Variants in MYO1H observed in about 807,000 individuals in gnomAD.
MYO1H encodes the protein unconventional myosin-Ih.
Under a neutral mutation model 149.3 loss-of-function variants are expected in MYO1H, and 118 were observed. That is an observed-to-expected ratio of 0.79 (90% CI 0.68 to 0.92). The LOEUF is 0.92. Ranked by LOEUF, MYO1H falls within the 40% of genes least tolerant of loss-of-function variation. MYO1H has a pLI of 0.00. For missense variants in MYO1H, 1,212 were observed against 1,280.7 expected, an observed-to-expected ratio of 0.95 and a Z score of 0.82; for synonymous variants, 447 against 465.2, an observed-to-expected ratio of 0.96 and a Z score of 0.50.
chr12:109,400,541 G>C (rs1870119239), intron 5 of MYO1H, among the ~76,000 whole-genome samples: 1 of 152,052 alleles, frequency 6.6e-6, no homozygotes, highest in South Asian at 2.1e-4. Flanking sequence ...TGATTTGCAA[G>C]AATCTTTATA....
chr12:109,370,899 A>T lies in MYO1H; in HGVS notation c.13-17784A>T, dbSNP rs76558067. ...TCTAGAAGGGCTCAGCCTAAGATCA[A>T]GGAATCAAGTAATTAGAATCACTGT... On this transcript the variant is annotated intron_variant, in intron 1 of 31. Coordinates refer to ENST00000310903, the Ensembl canonical transcript of MYO1H. Among the ~76,000 whole-genome samples, 364 of 152,372 alleles carry T rather than the reference A, an allele frequency of 2.4e-3. 1 individual carries two copies. The highest frequency in any genetic ancestry group is 3.5e-3 in the Non-Finnish European group (237 of 68,034).
chr12:109,430,191 A>G (rs1397829505), intron 19 of MYO1H, among the ~76,000 whole-genome samples: 3 of 152,176 alleles, frequency 2.0e-5, no homozygotes, highest in Non-Finnish European at 4.4e-5. Context: ...AGCAGGCTCT[A>G]GGGCAAGCTG....
chr12:109,357,646 T>A (rs1375076216), intron 1 of MYO1H, among the ~76,000 whole-genome samples: 1 of 151,892 alleles, frequency 6.6e-6, no homozygotes, highest in Non-Finnish European at 1.5e-5. Context: ...ACTATTCTCT[T>A]GATTTTTTTT....
At position 109,428,112 on chromosome 12, in the gene MYO1H, A is replaced by G. The variant is rs1477480387; in HGVS notation, c.1949+526A>G. On this transcript the variant is annotated intron_variant, in intron 19 of 31. Coordinates refer to ENST00000310903, the Ensembl canonical transcript of MYO1H. ...AAAACAAAACAAAACAACAAAAAAA[A>G]AAACTCACAAAAATTCAGTTTACCA... 7.3e-5 allele frequency among the ~76,000 whole-genome samples: 11 copies of G among 150,324 alleles called. 1 individual carries two copies. The highest frequency in any genetic ancestry group is 1.5e-4 in the Non-Finnish European group (10 of 67,542).
the MYO1H span, among the ~76,000 whole-genome samples, chr12:109,339,136 G>C: frequency 2.6e-5 from 4 of 152,118 alleles, no homozygotes; most frequent in African/African-American, 9.7e-5. Flanking sequence ...AGGCCAAAGT[G>C]GGTGGATCAC....
chr12:109,422,282 C>T (rs1375740137), intron 16 of MYO1H, among the ~76,000 whole-genome samples: 1 of 152,126 alleles, frequency 6.6e-6, no homozygotes, highest in Non-Finnish European at 1.5e-5. Flanking sequence ...TTCTGCCTTC[C>T]CAAACTTTCT....
chr12:109,314,950 A>C, the MYO1H span, among the ~76,000 whole-genome samples: 1 of 152,066 alleles, frequency 6.6e-6, no homozygotes, highest in Non-Finnish European at 1.5e-5. Flanking sequence ...AAAAATACAA[A>C]AATTAGCCAG....
chr12:109,311,198 G>A, the MYO1H span, among the ~76,000 whole-genome samples: 3 of 152,132 alleles, frequency 2.0e-5, no homozygotes, highest in African/African-American at 7.2e-5. Context: ...AAAATAAAAG[G>A]CATCCAGTCT....
chr12:109,397,662 T>G (rs1280025344), intron 4 of MYO1H, 70 bp from the exon 5 acceptor site: 3 of 1,239,272 alleles, frequency 2.4e-6, no homozygotes, highest in Non-Finnish European at 3.4e-6. Context: ...AATAAGTGTA[T>G]TATTTGGGGT....
chr12:109,319,356 A>C, the MYO1H span, among the ~76,000 whole-genome samples: 3 of 152,218 alleles, frequency 2.0e-5, no homozygotes, highest in Non-Finnish European at 2.9e-5. Flanking sequence ...TTCTACTTAT[A>C]TGAGATACAC....
chr12:109,443,049 T>TACAC lies in MYO1H; in HGVS notation c.2689-464_2689-463insCACA, dbSNP rs1279632450. The stretch of plus-strand genomic sequence containing the variant: ...ATATATGTGTGTGTGTGTGTGTGTA[T>TACAC]ATATGTGTACGTATGTGTGTATATA... On this transcript the variant is annotated intron_variant, in intron 27 of 31. Transcript: ENST00000310903. Among the ~76,000 whole-genome samples, 137 of 102,584 alleles carry TACAC rather than the reference T, an allele frequency of 1.3e-3. 6 individuals carry two copies. The highest frequency in any genetic ancestry group is 1.9e-3 in the Non-Finnish European group (103 of 53,082). The allele number at this position is 102,584 out of a possible 152,430, so 67.3% of individuals were successfully genotyped here. A position where few individuals can be genotyped will look rare whatever the true frequency, so the allele number is the denominator to read the frequency against.
chr12:109,334,218 C>T, the MYO1H span, among the ~76,000 whole-genome samples: 39 of 152,018 alleles, frequency 2.6e-4, no homozygotes, highest in African/African-American at 8.7e-4. Flanking sequence ...GGGGTTTTGC[C>T]GTGTTGGCCA....
rs547490375 is a variant in MYO1H, at chr12:109,391,134, T to C, written c.175-2197T>C. Among the ~76,000 whole-genome samples the C allele has an allele frequency of 2.4e-3, 360 of 152,342 alleles. 7 individuals carry two copies. In the South Asian group the frequency reaches 0.027, roughly 12 times the overall value. On this transcript the variant is annotated intron_variant, in intron 2 of 31. Transcript: ENST00000310903. Reference sequence around the variant, plus strand: ...GTGCAGGATGTGCAGGTTTGTTACATAGGTAAACGTGCTGTGGTGGTTTGC... The same window carrying C: ...GTGCAGGATGTGCAGGTTTGTTACACAGGTAAACGTGCTGTGGTGGTTTGC...
At chr12:109,318,966 GGTTTTGT>G in the MYO1H span, among the ~76,000 whole-genome samples, 5 of 61,260 alleles carry the variant, frequency 8.2e-5, 1 homozygote, top group South Asian at 1.2e-3. Context: ...CTGCGTTTTT[GGTTTTGT>G]TTTTTTTTTT....
chr12:109,371,661 C>A (rs1350133149), intron 1 of MYO1H, among the ~76,000 whole-genome samples: 2 of 152,104 alleles, frequency 1.3e-5, no homozygotes, highest in Non-Finnish European at 2.9e-5. Flanking sequence ...CACATGAGAG[C>A]ATATCTAGAG....
Position 109,406,654 on chromosome 12 carries a change from A to G in MYO1H, c.964-135A>G. On this transcript the variant is annotated intron_variant, in intron 8 of 31. Transcript: ENST00000310903. Reference sequence around the variant, plus strand: ...GACAGAGTGAGACCTTGTCTGAAAAAAAGTTACAATGAGCTATGATTGTGC... The same window carrying G: ...GACAGAGTGAGACCTTGTCTGAAAAGAAGTTACAATGAGCTATGATTGTGC... 6 of 761,220 alleles carry G rather than the reference A, an allele frequency of 7.9e-6. No individual in the cohort carries two copies. In the South Asian group the frequency reaches 1.0e-4, roughly 13 times the overall value. The allele number at this position is 761,220 out of a possible 1,614,324, so 47.2% of individuals were successfully genotyped here.
exon 6 of MYO1H, chr12:109,401,183 T>A (rs1391725268): frequency 6.2e-7 from 1 of 1,613,764 alleles, no homozygotes; most frequent in African/African-American, 1.3e-5. Context: ...TTTCCACATC[T>A]TCTACCAGCT....
At chr12:109,431,992 ATTTTTTTTTT>A (rs554701536) in intron 19 of MYO1H, among the ~76,000 whole-genome samples, 3 of 85,748 alleles carry the variant, frequency 3.5e-5, no homozygotes, top group African/African-American at 5.3e-5. Context: ...TAAAAAAAAA[ATTTTTTTTTT>A]TTTTTTTTTT....
chr12:109,355,391 G>A (rs1028941814), intron 1 of MYO1H, among the ~76,000 whole-genome samples: 2 of 152,092 alleles, frequency 1.3e-5, no homozygotes, highest in African/African-American at 2.4e-5. Flanking sequence ...ATCACCTCAG[G>A]GAACTTGTTG....
Sources: allele counts gnomAD v4.1 joint callset (sites outside exome capture counted in the v4.1 genomes callset), GRCh38; gene constraint gnomAD v4.1.1; transcripts MANE v1.5; gene names NCBI Gene and HGNC (gene_info 2026-07-23, HGNC 2026-07-21).